PDE1C: variants seen among roughly 807,000 people sequenced by gnomAD.
PDE1C encodes the protein phosphodiesterase 1C.
Under a neutral mutation model 93.1 loss-of-function variants are expected in PDE1C, and 62 were observed. The ratio of observed to expected loss-of-function variants is 0.67; its 90% confidence interval spans 0.54 to 0.82. The LOEUF (loss-of-function observed/expected upper bound fraction) is 0.82, where lower values mean the gene tolerates loss of function less well. Among genes scored for constraint, PDE1C ranks in the 40% least tolerant of loss-of-function variants. The pLI is 0.00. For missense variants in PDE1C, 742 were observed against 884.6 expected (o/e 0.84, Z 2.04); for synonymous variants, 325 against 310.1 (o/e 1.05, Z -0.50).
At position 32,410,728 on chromosome 7, in the gene PDE1C, G is replaced by A. The variant is rs183066236; in HGVS notation, c.310+17094C>T. On this transcript the variant is annotated intron_variant, in intron 1 of 1. Coordinates refer to the PDE1C transcript ENST00000672256. Reference sequence around the variant, plus strand: ...TTTCTTCCCTGCTCCTCCGCTTCCCGGACAGTGGCTGTGCTCCCTCCATAG... The same window carrying A: ...TTTCTTCCCTGCTCCTCCGCTTCCCAGACAGTGGCTGTGCTCCCTCCATAG... 2.3e-4 allele frequency among the ~76,000 whole-genome samples: 35 copies of A among 152,210 alleles called. No homozygotes were observed. The East Asian group carries it at 6.0e-3, about 26-fold the overall frequency.
chr7:31,816,274 A>AT (rs1263510088), intron 14 of PDE1C, 120 bp from the exon 15 acceptor site: 3 of 880,862 alleles, frequency 3.4e-6, no homozygotes, highest in East Asian at 2.5e-5. Flanking sequence ...GTTTGGGTAC[A>AT]TTTTTGCTTA....
intron 1 of PDE1C, among the ~76,000 whole-genome samples, chr7:32,292,420 TA>T (rs1408041175): frequency 6.6e-6 from 1 of 152,206 alleles, no homozygotes; most frequent in Non-Finnish European, 1.5e-5. Flanking sequence ...CTTTCAATTA[TA>T]AAAGAAATTA....
chr7:31,921,386 G>A (rs1051718254), intron 2 of PDE1C, among the ~76,000 whole-genome samples: 1 of 152,190 alleles, frequency 6.6e-6, no homozygotes, highest in Non-Finnish European at 1.5e-5. Flanking sequence ...TAGAGAGTAA[G>A]TAAATGATGC....
At chr7:31,910,267 C>T (rs1449058050) in intron 2 of PDE1C, among the ~76,000 whole-genome samples, 1 of 152,094 alleles carries the variant, frequency 6.6e-6, no homozygotes, top group Admixed American at 6.6e-5. Context: ...TTCAACTTTG[C>T]ACAGTTCTTC....
chr7:32,082,943 C>A (rs1489969822), intron 3 of PDE1C, among the ~76,000 whole-genome samples: 1 of 150,280 alleles, frequency 6.7e-6, no homozygotes, highest in Non-Finnish European at 1.5e-5. Context: ...AAAAGCAGAG[C>A]ACCTCTCCTC....
chr7:31,737,669 G>T, the PDE1C span, among the ~76,000 whole-genome samples: 1 of 151,960 alleles, frequency 6.6e-6, no homozygotes, highest in African/African-American at 2.4e-5. Flanking sequence ...AGGTGTGGTG[G>T]TGGGTGCCTG....
At chr7:31,636,725 T>TA in the PDE1C span, among the ~76,000 whole-genome samples, 18 of 111,506 alleles carry the variant, frequency 1.6e-4, no homozygotes, top group Non-Finnish European at 2.2e-4. Context: ...CTTTTTTTTT[T>TA]AAAAATTTTA....
At chr7:31,877,635 C>T (rs1796752552) in intron 5 of PDE1C, among the ~76,000 whole-genome samples, 1 of 149,578 alleles carries the variant, frequency 6.7e-6, no homozygotes, top group African/African-American at 2.5e-5. Flanking sequence ...TGAAGATCCT[C>T]CTAATGCTGA....
At chr7:32,350,387 CTAT>C (rs1783939629) in intron 1 of PDE1C, among the ~76,000 whole-genome samples, 1 of 150,870 alleles carries the variant, frequency 6.6e-6, no homozygotes, top group Non-Finnish European at 1.5e-5. Flanking sequence ...AACCACAATA[CTAT>C]TATTATAACT....
intron 2 of PDE1C, among the ~76,000 whole-genome samples, chr7:31,975,400 A>G (rs1197620557): frequency 6.6e-6 from 1 of 152,122 alleles, no homozygotes; most frequent in Non-Finnish European, 1.5e-5. Context: ...TGTAGCACCA[A>G]TCCCTTCCTC....
At position 32,420,110 on chromosome 7, in the gene PDE1C, T is replaced by TATATATATACAC. The variant is rs1554320679; in HGVS notation, c.310+7711_310+7712insGTGTATATATAT. 1.7e-4 allele frequency among the ~76,000 whole-genome samples: 4 copies of TATATATATACAC among 23,640 alleles called. 1 individual carries two copies. Among genetic ancestry groups the TATATATATACAC allele is most frequent in the African/African-American group, 5.1e-4 (4 of 7,842 alleles). 15.5% of individuals were successfully genotyped at this position (23,640 alleles called of 152,430 possible). On this transcript the variant is annotated intron_variant, in intron 1 of 1. Transcript: ENST00000672256. ...GTGGTGGCATATATATATATATATA[T>TATATATATACAC]ATATATATATATATACACACACACA...
At chr7:31,651,283 G>A in the PDE1C span, 1 of 1,611,430 alleles carries the variant, frequency 6.2e-7, no homozygotes, top group African/African-American at 1.3e-5. Flanking sequence ...ATTACCTAAG[G>A]GAGCCATAAA....
At chr7:31,644,406 G>A in the PDE1C span, among the ~76,000 whole-genome samples, 144 of 152,322 alleles carry the variant, frequency 9.5e-4, 1 homozygote, top group African/African-American at 3.3e-3. Flanking sequence ...GATTAAATAA[G>A]AAGAACCCTG....
the PDE1C span, chr7:31,707,396 T>C: frequency 3.2e-5 from 26 of 810,952 alleles, 1 homozygote; most frequent in Non-Finnish European, 4.7e-5. Context: ...GACTTGAAGA[T>C]TCAGACACCT....
At chr7:32,319,565 G>C (rs6943670) in intron 1 of PDE1C, among the ~76,000 whole-genome samples, 14,810 of 152,244 alleles carry the variant, frequency 0.097, 788 homozygotes, top group East Asian at 0.13. Context: ...GGCAAAACGG[G>C]AAAAGTAGGC....
At chr7:31,848,371 A>C (rs111979641) in intron 8 of PDE1C, among the ~76,000 whole-genome samples, 12 of 152,122 alleles carry the variant, frequency 7.9e-5, no homozygotes, top group African/African-American at 2.7e-4. Context: ...TCAATTACCT[A>C]TATTAGTTGC....
chr7:32,008,130 CA>C (rs1209060772), intron 2 of PDE1C, among the ~76,000 whole-genome samples: 1 of 152,148 alleles, frequency 6.6e-6, no homozygotes, highest in Non-Finnish European at 1.5e-5. Context: ...TATTCAGACC[CA>C]ATCTACCCAT....
intron 8 of PDE1C, among the ~76,000 whole-genome samples, chr7:31,849,898 C>T (rs1388308088): frequency 6.6e-6 from 1 of 152,124 alleles, no homozygotes; most frequent in Non-Finnish European, 1.5e-5. Context: ...TTGACTGGTG[C>T]TATTGCCTGG....
intron 17 of PDE1C, among the ~76,000 whole-genome samples, chr7:31,763,754 G>A (rs1317720858): frequency 1.3e-5 from 2 of 152,112 alleles, no homozygotes; most frequent in African/African-American, 4.8e-5. Context: ...GGTCATCATT[G>A]CTGCCTCGTG....
Sources: gnomAD v4.1 joint callset for allele counts (sites outside exome capture counted in the v4.1 genomes callset) on GRCh38, gnomAD v4.1.1 for gene constraint, MANE v1.5 for transcripts, NCBI Gene and HGNC (gene_info 2026-07-23, HGNC 2026-07-21) for gene names.